The following FLT4 variants were observed in gnomAD, a reference collection of about 807,000 sequenced individuals.
FLT4 encodes vascular endothelial growth factor receptor 3.
In FLT4, 30 loss-of-function variants were observed where a neutral mutation model predicts 163.2. The observed-to-expected ratio is 0.18, with a 90% CI of 0.14 to 0.25. The LOEUF is 0.25. Ranked by LOEUF, FLT4 falls within the 10% of genes least tolerant of loss-of-function variation. The pLI, the probability that FLT4 is intolerant of heterozygous loss-of-function variation, is 1.00. For missense variants in FLT4, 1,510 were observed against 1,863.8 expected (o/e 0.81, Z 3.50); for synonymous variants, 884 against 789.5 (o/e 1.12, Z -2.01).
chr5:180,636,744 G>GTC lies in FLT4; in HGVS notation c.59-4968_59-4967dup, dbSNP rs1018748863. On this transcript the variant is annotated intron_variant, in intron 1 of 29. Coordinates refer to ENST00000261937, the MANE Select transcript of FLT4 (RefSeq NM_182925.5). The surrounding 1 kb of genome is among the most constrained non-coding windows in gnomAD (Gnocchi z 4.3). ...CCATCCCGGAACACCTGTCTTCTACGTCTCTCTCCCTGCTTCCCCTGTTCT... is the reference window on the plus strand; with the variant it reads ...CCATCCCGGAACACCTGTCTTCTACGTCTCTCTCTCCCTGCTTCCCCTGTTCT... Among the ~76,000 whole-genome samples, 1 of 152,036 alleles carries GTC rather than the reference G, an allele frequency of 6.6e-6. No individual in the cohort carries two copies. Among genetic ancestry groups the GTC allele is most frequent in the African/African-American group, 2.4e-5 (1 of 41,404 alleles).
At chr5:180,609,430 G>A (rs1762007829) in intron 28 of FLT4, 1 of 408,368 alleles carries the variant, frequency 2.4e-6, no homozygotes, top group Admixed American at 3.8e-5. Context: ...CCGGTTTGGG[G>A]GGCTTTGTTA....
At chr5:180,612,295 G>A in intron 26 of FLT4, 1 of 597,878 alleles carries the variant, frequency 1.7e-6, no homozygotes. Context: ...AGCACCTGGA[G>A]CAGGCAGTGG....
intron 1 of FLT4, among the ~76,000 whole-genome samples, chr5:180,646,526 C>CT (rs1214310797): frequency 6.6e-6 from 1 of 152,208 alleles, no homozygotes; most frequent in Admixed American, 6.5e-5. Flanking sequence ...TCCTGGAGTT[C>CT]TGCAGACCCC....
In FLT4 at chr5:180,614,189, C is replaced by A. The variant is rs369575233; in HGVS notation, c.3220-10G>T. On this transcript the variant is annotated splice_polypyrimidine_tract_variant and intron_variant, in intron 23 of 29. Coordinates refer to ENST00000261937, the MANE Select transcript of FLT4 (RefSeq NM_182925.5). ...TCAGGGGCAGCCGGGCCTGGGGAGACAGAGGGAAGCTTGTCCCGTGGTGGA... is the reference window on the plus strand; with the variant it reads ...TCAGGGGCAGCCGGGCCTGGGGAGAAAGAGGGAAGCTTGTCCCGTGGTGGA... The A allele has an allele frequency of 3.1e-4, 489 of 1,590,096 alleles. No individual in the cohort carries two copies. The highest frequency in any genetic ancestry group is 4.0e-4 in the Non-Finnish European group (470 of 1,161,398).
chr5:180,621,476 G>A, intron 13 of FLT4, 66 bp downstream of exon 13: 2 of 1,586,432 alleles, frequency 1.3e-6, no homozygotes, highest in Non-Finnish European at 1.7e-6. Context: ...GCCACGCCGG[G>A]GCAAAGGCAG....
At chr5:180,644,855 C>T (rs1027565415) in intron 1 of FLT4, among the ~76,000 whole-genome samples, 1 of 152,236 alleles carries the variant, frequency 6.6e-6, no homozygotes, top group Non-Finnish European at 1.5e-5. Flanking sequence ...TGGGGGCTTC[C>T]CCTAAACCCA....
intron 1 of FLT4, among the ~76,000 whole-genome samples, chr5:180,641,908 T>C (rs1219051174): frequency 6.6e-6 from 1 of 152,096 alleles, no homozygotes; most frequent in African/African-American, 2.4e-5. Flanking sequence ...ACAAACAACA[T>C]GGTTAAGAAT....
rs771811322 is a variant in FLT4, at chr5:180,618,766, T to C, written c.3001+4A>G. ...TAGGAAAAGGGAAGAGGCCAGGCTC[T>C]CACCTTCTTGGTCTGGAGAAGCCCG... On this transcript the variant is annotated splice_donor_region_variant and intron_variant, in intron 21 of 29. Coordinates refer to ENST00000261937, the MANE Select transcript of FLT4 (RefSeq NM_182925.5). The C allele has an allele frequency of 3.2e-6, 5 of 1,586,478 alleles. No homozygotes were observed. Among genetic ancestry groups the C allele is most frequent in the Non-Finnish European group, 4.3e-6 (5 of 1,167,118 alleles).
intron 23 of FLT4, among the ~76,000 whole-genome samples, chr5:180,614,552 C>T (rs1351179038): frequency 2.0e-5 from 3 of 152,204 alleles, no homozygotes; most frequent in Admixed American, 6.5e-5. Flanking sequence ...CTGACAAGCA[C>T]GCTCTGTCCA....
intron 12 of FLT4, among the ~76,000 whole-genome samples, 176 bp from the exon 13 acceptor site, chr5:180,622,080 C>T (rs912049324): frequency 1.3e-5 from 2 of 149,010 alleles, no homozygotes; most frequent in African/African-American, 2.4e-5. Flanking sequence ...TCCTTGTCAC[C>T]CTCAGTGGGA....
Position 180,631,785 on chromosome 5 carries a change from T to A in FLT4, c.59-7A>T. 1 of 1,601,252 alleles carries A rather than the reference T, an allele frequency of 6.2e-7. No homozygotes were observed. Among genetic ancestry groups the A allele is most frequent in the Non-Finnish European group, 8.5e-7 (1 of 1,173,408 alleles). On this transcript the variant is annotated splice_region_variant and splice_polypyrimidine_tract_variant and intron_variant, in intron 1 of 29. Transcript: ENST00000261937. Reference sequence around the variant, plus strand: ...GAGTAGCCACTCACCAGGCCTGGGGTGGGAGACAGGGTCAGCGTGGTGCTG... The same window carrying A: ...GAGTAGCCACTCACCAGGCCTGGGGAGGGAGACAGGGTCAGCGTGGTGCTG...
chr5:180,620,032 G>A lies in FLT4; in HGVS notation c.2542+141C>T, dbSNP rs768771909. 283 of 1,085,212 alleles carry A rather than the reference G, an allele frequency of 2.6e-4. No homozygotes were observed. Among genetic ancestry groups the A allele is most frequent in the Non-Finnish European group, 3.6e-4 (273 of 752,136 alleles). The allele number at this position is 1,085,212 out of a possible 1,614,324, so 67.2% of individuals were successfully genotyped here. ...CTGGGGACCCTGGCTGAGGTTCTAGGTACCCACGCCCACAGGGACAGGTCA... is the reference window on the plus strand; with the variant it reads ...CTGGGGACCCTGGCTGAGGTTCTAGATACCCACGCCCACAGGGACAGGTCA... On this transcript the variant is annotated intron_variant, in intron 17 of 29. Coordinates refer to ENST00000261937, the MANE Select transcript of FLT4 (RefSeq NM_182925.5). The surrounding 1 kb of genome is among the most constrained non-coding windows in gnomAD (Gnocchi z 4.4).
Position 180,620,798 on chromosome 5 carries a change from C to T in FLT4, c.2299+78G>A, listed in dbSNP as rs1204710417. On this transcript the variant is annotated intron_variant, in intron 15 of 29. Coordinates refer to ENST00000261937, the MANE Select transcript of FLT4 (RefSeq NM_182925.5). The surrounding 1 kb of genome is among the most constrained non-coding windows in gnomAD (Gnocchi z 4.4). ...CAGGCAGCACCCCTTCTGGTGGCCA[C>T]GACTTGCCCAAGGTGGCCACAAGAA... 1 of 1,604,814 alleles carries T rather than the reference C, an allele frequency of 6.2e-7. No homozygotes were observed. The highest frequency in any genetic ancestry group is 8.5e-7 in the Non-Finnish European group (1 of 1,174,808).
chr5:180,618,374 A>G lies in FLT4; in HGVS notation c.3001+396T>C, dbSNP rs13153861. ...GCCCCTCAGCCTCTGGGACACCCAC[A>G]TCCTACTCCAGAGCACCCTCTCCTG... On this transcript the variant is annotated intron_variant, in intron 21 of 29. Coordinates refer to ENST00000261937, the MANE Select transcript of FLT4 (RefSeq NM_182925.5). Among the ~76,000 whole-genome samples, 9 of 71,026 alleles carry G rather than the reference A, an allele frequency of 1.3e-4. 1 individual carries two copies. Among genetic ancestry groups the G allele is most frequent in the African/African-American group, 3.3e-4 (6 of 18,092 alleles). 46.6% of individuals were successfully genotyped at this position (71,026 alleles called of 152,430 possible).
intron 23 of FLT4, 151 bp from the exon 24 acceptor site, chr5:180,614,330 C>T (rs1554110202): frequency 7.6e-6 from 2 of 263,400 alleles, no homozygotes; most frequent in Non-Finnish European, 1.5e-5. Context: ...GAAGAGAGGG[C>T]TGAGGCCAGA....
chr5:180,616,592 G>T, intron 22 of FLT4, 103 bp from the exon 23 acceptor site: 1 of 1,301,298 alleles, frequency 7.7e-7, no homozygotes, highest in Non-Finnish European at 1.1e-6. Flanking sequence ...CCATGGGGAT[G>T]CCCTGCCTGA....
In FLT4 at chr5:180,602,980, G is replaced by T; in HGVS notation, c.*212C>A. On this transcript the variant is annotated 3_prime_UTR_variant, in exon 30 of 30. Coordinates refer to ENST00000261937, the MANE Select transcript of FLT4 (RefSeq NM_182925.5). ...CTCAGGGGGAGGGGCCGGGGCAGCT[G>T]GAGCGTGGCCCTGGCCAGTCGTGGT... is the stretch of plus-strand genomic sequence containing the variant. The T allele has an allele frequency of 1.6e-6, 1 of 606,126 alleles. No individual in the cohort carries two copies. Among genetic ancestry groups the T allele is most frequent in the Non-Finnish European group, 2.9e-6 (1 of 339,994 alleles). 37.5% of individuals were successfully genotyped at this position (606,126 alleles called of 1,614,324 possible).
intron 1 of FLT4, among the ~76,000 whole-genome samples, chr5:180,632,408 C>G (rs1009235084): frequency 6.6e-6 from 1 of 152,208 alleles, no homozygotes; most frequent in East Asian, 1.9e-4. Context: ...CAGCCTCCTC[C>G]GGGCTCTCCC....
At chr5:180,616,805 G>A in intron 22 of FLT4, 95 bp downstream of exon 22, 1 of 991,458 alleles carries the variant, frequency 1.0e-6, no homozygotes, top group Middle Eastern at 2.1e-4. Context: ...ATGGACCACA[G>A]AGCCATTGCA....
Sources: allele counts gnomAD v4.1 joint callset (sites outside exome capture counted in the v4.1 genomes callset), GRCh38; gene constraint gnomAD v4.1.1; non-coding constraint Gnocchi (gnomAD v3.1); transcripts MANE v1.5; gene names NCBI Gene and HGNC (gene_info 2026-07-23, HGNC 2026-07-21).